Variants in LDLRAD4 observed in about 807,000 individuals in gnomAD.
LDLRAD4 encodes low-density lipoprotein receptor class A domain-containing protein 4.
A neutral mutation model predicts 17.0 loss-of-function variants in LDLRAD4; 5 were observed. That is an observed-to-expected ratio of 0.29 (90% CI 0.15 to 0.62). The LOEUF (loss-of-function observed/expected upper bound fraction) is 0.62, where lower values mean the gene tolerates loss of function less well. Ranked by LOEUF, LDLRAD4 falls within the 20% of genes least tolerant of loss-of-function variation. The probability of loss-of-function intolerance (pLI) is 0.84; values close to 1 mark genes in which losing one functional copy is unlikely to be tolerated. For synonymous variants in LDLRAD4, 168 were observed against 171.8 expected (o/e 0.98, Z 0.17); for missense variants, 340 against 424.7 (o/e 0.80, Z 1.75).
intron 3 of LDLRAD4, among the ~76,000 whole-genome samples, chr18:13,473,678 T>TATATATATAAA (rs374731826): frequency 1.3e-5 from 1 of 79,986 alleles, no homozygotes; most frequent in Non-Finnish European, 2.3e-5. Context: ...TATATATATA[T>TATATATATAAA]AACGTTTACA....
At position 13,569,090 on chromosome 18, in the gene LDLRAD4, A is replaced by G. The variant is rs532663377; in HGVS notation, c.182-52027A>G. 2.9e-4 allele frequency among the ~76,000 whole-genome samples: 44 copies of G among 152,368 alleles called. No homozygotes were observed. In the South Asian group the frequency reaches 6.6e-3, roughly 23 times the overall value. On this transcript the variant is annotated intron_variant, in intron 3 of 5. Transcript: ENST00000359446. ...TTTGAAAAAAAAAATGATTATAAGA[A>G]GCTAAGAGAAGTTGTGACACTAATC...
rs1196049178 is a variant in LDLRAD4, at chr18:13,474,052, G to A, written c.181+35668G>A. Among the ~76,000 whole-genome samples, 14 of 152,142 alleles carry A rather than the reference G, an allele frequency of 9.2e-5. No individual in the cohort carries two copies. In the East Asian group the frequency reaches 2.1e-3, roughly 23 times the overall value. ...GAGTTCTCATGAGGTTCGGTTGTTT[G>A]AAAGTGTGCAGAACCCGCCTCGTGC... On this transcript the variant is annotated intron_variant, in intron 3 of 5. Coordinates refer to ENST00000359446, the Ensembl canonical transcript of LDLRAD4.
intron 2 of LDLRAD4, among the ~76,000 whole-genome samples, chr18:13,389,532 A>C (rs887848623): frequency 1.2e-4 from 19 of 152,332 alleles, no homozygotes; most frequent in African/African-American, 4.3e-4. Flanking sequence ...TCTGGGAGGA[A>C]GAGGGAACAA....
At chr18:13,611,551 C>T (rs1364900617) in intron 3 of LDLRAD4, 2 of 985,262 alleles carry the variant, frequency 2.0e-6, no homozygotes, top group Non-Finnish European at 2.4e-6. Flanking sequence ...AGAGACTGTG[C>T]TTGAACAAAA....
intron 3 of LDLRAD4, among the ~76,000 whole-genome samples, chr18:13,498,299 A>G (rs2093521149): frequency 7.9e-6 from 1 of 126,898 alleles, no homozygotes; most frequent in Non-Finnish European, 1.7e-5. Context: ...TGGACACTGG[A>G]GAATCCTTCT....
At chr18:13,603,910 G>A (rs543581126) in intron 3 of LDLRAD4, among the ~76,000 whole-genome samples, 1 of 152,360 alleles carries the variant, frequency 6.6e-6, no homozygotes, top group African/African-American at 2.4e-5. Context: ...TAAGTGCTTA[G>A]CATTTGCTGC....
intron 1 of LDLRAD4, among the ~76,000 whole-genome samples, chr18:13,227,073 G>T (rs970998399): frequency 2.0e-5 from 3 of 152,112 alleles, no homozygotes; most frequent in African/African-American, 7.2e-5. Flanking sequence ...TTCATGATGG[G>T]CAGACAGAAA....
intron 1 of LDLRAD4, among the ~76,000 whole-genome samples, chr18:13,259,494 T>C (rs924237035): frequency 1.1e-4 from 17 of 152,184 alleles, no homozygotes; most frequent in Non-Finnish European, 2.4e-4. Flanking sequence ...TTCTGATTGA[T>C]TTTTGAGTAA....
chr18:13,244,456 A>G (rs1382458592), intron 1 of LDLRAD4, among the ~76,000 whole-genome samples: 1 of 152,124 alleles, frequency 6.6e-6, no homozygotes, highest in Non-Finnish European at 1.5e-5. Flanking sequence ...CTTCCTATTG[A>G]TCTGTCAGTT....
intron 1 of LDLRAD4, among the ~76,000 whole-genome samples, chr18:13,375,308 C>A (rs1161895587): frequency 6.6e-6 from 1 of 152,164 alleles, no homozygotes; most frequent in Non-Finnish European, 1.5e-5. Flanking sequence ...TCCAGGAAGC[C>A]ATTTTTAGGT....
intron 1 of LDLRAD4, among the ~76,000 whole-genome samples, chr18:13,356,738 C>T (rs1164844817): frequency 6.6e-6 from 1 of 152,168 alleles, no homozygotes; most frequent in African/African-American, 2.4e-5. Context: ...TCCAGGAGCA[C>T]CCCCTGTCTT....
At chr18:13,263,380 G>T (rs2044027883) in intron 1 of LDLRAD4, among the ~76,000 whole-genome samples, 1 of 152,208 alleles carries the variant, frequency 6.6e-6, no homozygotes. Flanking sequence ...CTCTATGTGT[G>T]GGGCTGAGTC....
At chr18:13,281,306 T>A (rs1282021177) in intron 1 of LDLRAD4, among the ~76,000 whole-genome samples, 1 of 152,128 alleles carries the variant, frequency 6.6e-6, no homozygotes, top group East Asian at 1.9e-4. Context: ...GGAGGATCAC[T>A]TGAGCCTGGG....
intron 1 of LDLRAD4, among the ~76,000 whole-genome samples, chr18:13,295,794 C>A (rs8085048): frequency 1.3e-5 from 2 of 152,176 alleles, no homozygotes; most frequent in African/African-American, 4.8e-5. Flanking sequence ...AGAAATAAAC[C>A]ATCATGTATA....
chr18:13,292,314 G>T (rs1282710505), intron 1 of LDLRAD4, among the ~76,000 whole-genome samples: 2 of 152,228 alleles, frequency 1.3e-5, no homozygotes. Context: ...CGTGCCCTGG[G>T]CATATTTGTG....
At chr18:13,471,633 C>T (rs2092776323) in intron 3 of LDLRAD4, 1 of 152,464 alleles carries the variant, frequency 6.6e-6, no homozygotes, top group Non-Finnish European at 1.5e-5. Context: ...CTGGAGGGCT[C>T]CGTGGAGCTG....
intron 3 of LDLRAD4, among the ~76,000 whole-genome samples, chr18:13,483,031 G>A (rs923109375): frequency 6.6e-6 from 1 of 152,294 alleles, no homozygotes; most frequent in Non-Finnish European, 1.5e-5. Flanking sequence ...AAGGGAAAGA[G>A]GGCAAGGAAG....
intron 3 of LDLRAD4, among the ~76,000 whole-genome samples, chr18:13,536,510 G>A (rs148987640): frequency 4.0e-4 from 61 of 151,990 alleles, no homozygotes; most frequent in African/African-American, 1.4e-3. Context: ...CTAGTAGCTC[G>A]TTTGTGTATT....
chr18:13,473,409 C>T, intron 3 of LDLRAD4, among the ~76,000 whole-genome samples: 1 of 151,948 alleles, frequency 6.6e-6, no homozygotes, highest in Non-Finnish European at 1.5e-5. Context: ...GTGGCTCATG[C>T]CTGTAATCCC....
Sources: gnomAD v4.1 joint callset for allele counts (sites outside exome capture counted in the v4.1 genomes callset) on GRCh38, gnomAD v4.1.1 for gene constraint, MANE v1.5 for transcripts, NCBI Gene and HGNC (gene_info 2026-07-23, HGNC 2026-07-21) for gene names.